Variants in RNF20 observed in about 807,000 individuals in gnomAD.
RNF20 encodes the protein E3 ubiquitin-protein ligase BRE1A.
A neutral mutation model predicts 126.2 loss-of-function variants in RNF20; 84 were observed. That is an observed-to-expected ratio of 0.67 (90% confidence interval 0.56 to 0.80). RNF20 has a LOEUF of 0.80. Among genes scored for constraint, RNF20 ranks in the 30% least tolerant of loss-of-function variants. RNF20 has a pLI of 0.00. For synonymous variants in RNF20, 400 were observed against 414.3 expected (o/e 0.97, Z 0.42); for missense variants, 869 against 1,188.2 (o/e 0.73, Z 3.95).
At chr9:101,549,514 C>A in intron 9 of RNF20, among the ~76,000 whole-genome samples, 1 of 152,122 alleles carries the variant, frequency 6.6e-6, no homozygotes, top group East Asian at 1.9e-4. Flanking sequence ...GGCGGACGAG[C>A]CTGACTAATG....
In RNF20 at chr9:101,540,571, C is replaced by G. The variant is rs758664591; in HGVS notation, c.379C>G (p.Leu127Val). 1.9e-6 allele frequency: 3 copies of G among 1,614,020 alleles called. No homozygotes were observed. The highest frequency in any genetic ancestry group is 2.2e-5 in the South Asian group (2 of 91,078). ...AGACCTACTCACAGAACGAAAAGCCCTTGTTGTGCCTGAACCAGAACCAGA... is the reference window on the plus strand; with the variant it reads ...AGACCTACTCACAGAACGAAAAGCCGTTGTTGTGCCTGAACCAGAACCAGA... ...LGDLLTERKA[L>V]VVPEPEPDSD... The change falls in exon 4 of 20, where the codon CTT (leucine) becomes GTT (valine). Residue 127 changes from leucine (L) to valine (V), a missense_variant. Physicochemically the swap from Leu to Val is conservative, Grantham distance 32 (BLOSUM62 1). This residue lies in a region of RNF20 where 157 missense variants were observed against 236.0 expected (regional missense o/e 0.67). Coordinates refer to ENST00000389120, the MANE Select transcript of RNF20 (RefSeq NM_019592.7).
At chr9:101,549,076 G>A (rs549875992) in intron 9 of RNF20, among the ~76,000 whole-genome samples, 46 of 152,298 alleles carry the variant, frequency 3.0e-4, no homozygotes, top group Admixed American at 1.0e-3. Flanking sequence ...CCCTGTGTGC[G>A]GAGACGAGAG....
chr9:101,552,633 A>G lies in RNF20; in HGVS notation c.1781A>G (p.Lys594Arg). ...AAGGAGAAGGAGAGAGAACGAGAGA[A>G]GCAGAAGCTAAAAGAGTCAGAAAAA... The part of the protein sequence containing the change: ...REKEKERERE[K>R]QKLKESEKER... The change falls in exon 13 of 20, where the codon AAG (lysine) becomes AGG (arginine). Residue 594 changes from lysine (K) to arginine (R), a missense_variant. Around this residue, in one of 8 missense-constraint regions of RNF20, gnomAD observed 231 missense variants for 263.6 expected, o/e 0.88. Coordinates refer to ENST00000389120, the MANE Select transcript of RNF20 (RefSeq NM_019592.7). The G allele has an allele frequency of 1.3e-6, 2 of 1,527,606 alleles. No homozygotes were observed. Among genetic ancestry groups the G allele is most frequent in the Non-Finnish European group, 1.8e-6 (2 of 1,101,206 alleles). 94.6% of individuals were successfully genotyped at this position (1,527,606 alleles called of 1,614,324 possible).
At chr9:101,554,136 G>C in intron 14 of RNF20, 31 bp downstream of exon 14, 1 of 1,215,792 alleles carries the variant, frequency 8.2e-7, no homozygotes, top group South Asian at 1.3e-5. Flanking sequence ...CTGTCCTTCT[G>C]GTTAAAATCT....
At chr9:101,548,877 T>C (rs1319497510) in intron 9 of RNF20, among the ~76,000 whole-genome samples, 1 of 152,170 alleles carries the variant, frequency 6.6e-6, no homozygotes, top group African/African-American at 2.4e-5. Context: ...ATATATACTG[T>C]GGAAGGGAGG....
Position 101,535,491 on chromosome 9 carries a change from C to A in RNF20, c.68C>A (p.Ala23Glu). Residue 23 changes from alanine (A) to glutamate (E), a missense_variant, in exon 2 of 20, where the codon GCA becomes GAA. Physicochemically the swap from Ala to Glu is moderately radical, Grantham distance 107. Around this residue, in one of 8 missense-constraint regions of RNF20, gnomAD observed 157 missense variants for 236.0 expected, o/e 0.67. Coordinates refer to ENST00000389120, the MANE Select transcript of RNF20 (RefSeq NM_019592.7). ...ACCTCCATGCCTCCTGAGAAGAAGG[C>A]AGCTGTTGAAGATTCAGGGACCACA... Reference protein sequence around the residue: ...PGTSMPPEKKAAVEDSGTTVE... With the variant: ...PGTSMPPEKKEAVEDSGTTVE... 6.2e-7 allele frequency: 1 copy of A among 1,613,884 alleles called. No homozygotes were observed. Among genetic ancestry groups the A allele is most frequent in the Non-Finnish European group, 8.5e-7 (1 of 1,179,872 alleles).
chr9:101,540,872 G>T lies in RNF20; in HGVS notation c.525G>T (p.Gln175His). 1 of 1,614,046 alleles carries T rather than the reference G, an allele frequency of 6.2e-7. No individual in the cohort carries two copies. The highest frequency in any genetic ancestry group is 1.1e-5 in the South Asian group (1 of 91,072). ...SSSEEMESQLQERVESSRRAV... is the reference protein window; with the variant it reads ...SSSEEMESQLHERVESSRRAV... The stretch of plus-strand genomic sequence containing the variant: ...GTGAAGAGATGGAGTCTCAGCTGCA[G>T]GAACGTGTGGAGTCTTCCCGCCGAG... The change falls in exon 5 of 20, where the codon CAG becomes CAT. Residue 175 changes from glutamine to histidine, a missense_variant. Coordinates refer to ENST00000389120, the MANE Select transcript of RNF20 (RefSeq NM_019592.7).
rs777140211 is a variant in RNF20 at position 101,540,921 on chromosome 9, T to A, written c.574T>A (p.Tyr192Asn). 6.2e-7 allele frequency: 1 copy of A among 1,613,902 alleles called. No individual in the cohort carries two copies. The highest frequency in any genetic ancestry group is 2.2e-5 in the East Asian group (1 of 44,880). ...AGCCGTGTCCCAGATTGTGACTGTTTATGATAAATTGCAAGAAAAAGTGGA... is the reference window on the plus strand; with the variant it reads ...AGCCGTGTCCCAGATTGTGACTGTTAATGATAAATTGCAAGAAAAAGTGGA... ...RRAVSQIVTV[Y>N]DKLQEKVELL... The change falls in exon 5 of 20, where the codon TAT becomes AAT. Residue 192 changes from tyrosine to asparagine, a missense_variant. By Grantham distance (143) the Tyr-to-Asn change is moderately radical. Around this residue, in one of 8 missense-constraint regions of RNF20, gnomAD observed 103 missense variants for 94.3 expected, o/e 1.09. Coordinates refer to ENST00000389120, the MANE Select transcript of RNF20 (RefSeq NM_019592.7).
At position 101,540,504 on chromosome 9, in the gene RNF20, C is replaced by T; in HGVS notation, c.312C>T (p.Ile104=). 6.2e-7 allele frequency: 1 copy of T among 1,613,888 alleles called. No individual in the cohort carries two copies. Among genetic ancestry groups the T allele is most frequent in the Non-Finnish European group, 8.5e-7 (1 of 1,179,944 alleles). Residue 104 remains isoleucine, a synonymous_variant, in exon 4 of 20, where the codon ATC becomes ATT. Transcript: ENST00000389120. ...CCCTTCTCCAGTTTGATGAAAACAT[C>T]CGTATCATCCTTAAACGTTATGATC... The part of the protein sequence containing the change: ...NRYWSQFDEN[I]RIILKRYDLE...
intron 9 of RNF20, among the ~76,000 whole-genome samples, chr9:101,549,453 T>C (rs1827406491): frequency 1.3e-5 from 2 of 152,164 alleles, no homozygotes; most frequent in Non-Finnish European, 2.9e-5. Flanking sequence ...GGATGGAACA[T>C]GAAGGCGGCC....
intron 9 of RNF20, among the ~76,000 whole-genome samples, chr9:101,548,851 T>C (rs1827395819): frequency 6.6e-6 from 1 of 152,156 alleles, no homozygotes; most frequent in Non-Finnish European, 1.5e-5. Flanking sequence ...GTATACAAGA[T>C]GTTTGCAGGG....
intron 1 of RNF20, among the ~76,000 whole-genome samples, chr9:101,534,517 G>C (rs763128088): frequency 1.2e-4 from 19 of 152,158 alleles, no homozygotes; most frequent in Admixed American, 4.6e-4. Context: ...TGGGGTTTCT[G>C]AGTGCTTACT....
chr9:101,547,561 C>G (rs1451868845), intron 9 of RNF20, 43 bp downstream of exon 9: 3 of 1,610,528 alleles, frequency 1.9e-6, no homozygotes, highest in Non-Finnish European at 2.5e-6. Flanking sequence ...AGACGTTCTG[C>G]TGATCAACTC....
intron 2 of RNF20, 115 bp downstream of exon 2, chr9:101,535,667 A>C (rs1388750594): frequency 1.2e-5 from 14 of 1,145,290 alleles, no homozygotes; most frequent in Non-Finnish European, 1.7e-5. Context: ...AGAAGAGGGA[A>C]ATAAAACAGG....
chr9:101,554,156 G>A (rs1402008822), intron 14 of RNF20, 51 bp downstream of exon 14: 1 of 1,054,598 alleles, frequency 9.5e-7, no homozygotes, highest in African/African-American at 1.6e-5. Context: ...TTCATTTGTG[G>A]GATTTTCCTT....
At chr9:101,543,344 C>T (rs2118686545) in intron 5 of RNF20, among the ~76,000 whole-genome samples, 1 of 151,082 alleles carries the variant, frequency 6.6e-6, no homozygotes, top group South Asian at 2.1e-4. Flanking sequence ...TCTAACCCTT[C>T]CAGGGCGGCA....
chr9:101,546,867 T>C lies in RNF20; in HGVS notation c.795T>C (p.Ser265=). ...TGGAGACAGCCGAATCACGAGTGTC[T>C]GTCCTGGAGTCCATGATTGATGACC... ...SKVETAESRV[S]VLESMIDDLQ... is the part of the protein sequence containing the mutation. Residue 265 remains serine, a synonymous_variant, in exon 7 of 20, where the codon TCT becomes TCC. Transcript: ENST00000389120. The C allele has an allele frequency of 6.2e-7, 1 of 1,614,194 alleles. No homozygotes were observed. Among genetic ancestry groups the C allele is most frequent in the Non-Finnish European group, 8.5e-7 (1 of 1,179,994 alleles).
At chr9:101,554,902 T>TA in intron 15 of RNF20, 59 bp downstream of exon 15, 1 of 1,301,936 alleles carries the variant, frequency 7.7e-7, no homozygotes, top group Non-Finnish European at 1.0e-6. Flanking sequence ...GACAATAAGT[T>TA]ATTGCCAGTG....
Position 101,534,909 on chromosome 9 carries a change from CTT to C in RNF20, c.-26-474_-26-473del, listed in dbSNP as rs200245240. Among the ~76,000 whole-genome samples the C allele has an allele frequency of 4.3e-4, 60 of 139,764 alleles. 1 individual carries two copies. Among genetic ancestry groups the C allele is most frequent in the Admixed American group, 5.7e-4 (8 of 13,990 alleles). 91.7% of individuals were successfully genotyped at this position (139,764 alleles called of 152,430 possible). A position where few individuals can be genotyped will look rare whatever the true frequency, so the allele number is the denominator to read the frequency against. On this transcript the variant is annotated intron_variant, in intron 1 of 19. Transcript: ENST00000389120. ...GTCATGTAAATTTAGCCTTGACTTT[CTT>C]TTTTTTTTTTTTTTGAGACGGAGTC...
Sources: gnomAD v4.1 joint callset for allele counts (sites outside exome capture counted in the v4.1 genomes callset) on GRCh38, gnomAD v4.1.1 for gene constraint, gnomAD v4.1.1 regional missense constraint, MANE v1.5 for transcripts, NCBI Gene and HGNC (gene_info 2026-07-23, HGNC 2026-07-21) for gene names.